Variants in FAM135B observed in about 807,000 individuals in gnomAD.
FAM135B encodes protein FAM135B.
In FAM135B, 43 loss-of-function variants were observed where a neutral mutation model predicts 127.7. That is an observed-to-expected ratio of 0.34 (90% CI 0.26 to 0.43). The LOEUF (loss-of-function observed/expected upper bound fraction) is 0.43. Ranked by LOEUF, FAM135B falls within the 20% of genes least tolerant of loss-of-function variation. The probability of loss-of-function intolerance (pLI) is 1.00; values close to 1 mark genes in which losing one functional copy is unlikely to be tolerated. For synonymous variants in FAM135B, 670 were observed against 665.1 expected (o/e 1.01, Z -0.11); for missense variants, 1,558 against 1,725.6 (o/e 0.90, Z 1.72).
chr8:138,206,356 C>A (rs1443009988), intron 7 of FAM135B, among the ~76,000 whole-genome samples: 6 of 149,738 alleles, frequency 4.0e-5, no homozygotes, highest in South Asian at 2.1e-4. Flanking sequence ...ACTCCAGCAT[C>A]CCCTCCACCT....
chr8:138,444,327 C>A (rs916549535), intron 1 of FAM135B, among the ~76,000 whole-genome samples: 16 of 152,276 alleles, frequency 1.1e-4, no homozygotes, highest in Middle Eastern at 3.4e-3. Flanking sequence ...GAACTCTCCA[C>A]CCCAAATCAA....
intron 11 of FAM135B, among the ~76,000 whole-genome samples, chr8:138,169,598 G>A (rs1820248723): frequency 1.3e-5 from 2 of 151,946 alleles, no homozygotes; most frequent in African/African-American, 2.4e-5. Flanking sequence ...ATTCTCATCT[G>A]AGTGTTTAAA....
intron 3 of FAM135B, among the ~76,000 whole-genome samples, chr8:138,283,971 C>T (rs568632316): frequency 6.6e-6 from 1 of 152,028 alleles, no homozygotes; most frequent in Non-Finnish European, 1.5e-5. Flanking sequence ...AGCTGGAGAA[C>T]AGTGAGCTGG....
intron 17 of FAM135B, among the ~76,000 whole-genome samples, chr8:138,140,588 T>C (rs983603950): frequency 2.0e-5 from 3 of 152,148 alleles, no homozygotes; most frequent in Non-Finnish European, 4.4e-5. Context: ...ATATTTAACC[T>C]CCCATAGATG....
intron 7 of FAM135B, among the ~76,000 whole-genome samples, chr8:138,209,489 G>A (rs1431840469): frequency 6.6e-6 from 1 of 152,182 alleles, no homozygotes; most frequent in Non-Finnish European, 1.5e-5. Context: ...CAGGGAGACA[G>A]AATGTGGGCT....
intron 9 of FAM135B, among the ~76,000 whole-genome samples, chr8:138,183,779 T>G (rs16908489): frequency 0.022 from 3,307 of 152,306 alleles, 113 homozygotes; most frequent in African/African-American, 0.075. Flanking sequence ...CAATGAAAAA[T>G]GAAATCCAAC....
At chr8:138,143,759 C>T (rs1440319645) in intron 15 of FAM135B, among the ~76,000 whole-genome samples, 2 of 152,122 alleles carry the variant, frequency 1.3e-5, no homozygotes, top group East Asian at 1.9e-4. Context: ...AGATTTGGGG[C>T]CAATATCCAA....
chr8:138,496,535 G>A (rs971231064), intron 1 of FAM135B, 136 bp downstream of exon 1: 1 of 152,414 alleles, frequency 6.6e-6, no homozygotes, highest in Admixed American at 6.5e-5. Flanking sequence ...AAAATCGAGG[G>A]AGATAAACCA....
chr8:138,380,873 T>C (rs1456076777), intron 1 of FAM135B, among the ~76,000 whole-genome samples: 1 of 151,836 alleles, frequency 6.6e-6, no homozygotes, highest in African/African-American at 2.4e-5. Flanking sequence ...CATCGGGTAA[T>C]GGATAACATC....
chr8:138,187,469 G>A (rs1034149257), intron 9 of FAM135B, among the ~76,000 whole-genome samples: 6 of 152,198 alleles, frequency 3.9e-5, no homozygotes, highest in African/African-American at 1.2e-4. Context: ...GGCTGGCCAA[G>A]CCTCTTCTCT....
chr8:138,371,616 C>G (rs574210006), intron 1 of FAM135B, among the ~76,000 whole-genome samples: 1 of 152,148 alleles, frequency 6.6e-6, no homozygotes, highest in Non-Finnish European at 1.5e-5. Context: ...ATCTCCAGCA[C>G]ATCAGCAACC....
chr8:138,444,847 A>T (rs1340376635), intron 1 of FAM135B, among the ~76,000 whole-genome samples: 1 of 152,200 alleles, frequency 6.6e-6, no homozygotes, highest in Non-Finnish European at 1.5e-5. Context: ...CCTTCAAAAA[A>T]ATCAACGAAT....
chr8:138,484,363 T>C (rs1214903604), intron 1 of FAM135B, among the ~76,000 whole-genome samples: 1 of 152,190 alleles, frequency 6.6e-6, no homozygotes, highest in African/African-American at 2.4e-5. Flanking sequence ...ATGGTTTGTT[T>C]TACTTTCATG....
At chr8:138,164,737 A>C (rs1394094886) in intron 12 of FAM135B, among the ~76,000 whole-genome samples, 1 of 152,130 alleles carries the variant, frequency 6.6e-6, no homozygotes, top group African/African-American at 2.4e-5. Context: ...TTGATGTCTC[A>C]TGTCTCCCTA....
At position 138,330,912 on chromosome 8, in the gene FAM135B, A is replaced by G. The variant is rs371740980; in HGVS notation, c.78-19992T>C. On this transcript the variant is annotated intron_variant, in intron 2 of 19. Coordinates refer to ENST00000395297, the MANE Select transcript of FAM135B (RefSeq NM_015912.4). ...GGCTGGAGTACAGTGGCATGATCTC[A>G]GCTCACTTCAATCTCCGCCTCCAGG... Among the ~76,000 whole-genome samples the G allele has an allele frequency of 5.3e-5, 8 of 150,668 alleles. No individual in the cohort carries two copies. In the East Asian group the frequency reaches 1.2e-3, roughly 22 times the overall value.
intron 2 of FAM135B, among the ~76,000 whole-genome samples, chr8:138,333,457 G>T (rs762945287): frequency 3.3e-5 from 5 of 152,014 alleles, no homozygotes; most frequent in African/African-American, 4.8e-5. Context: ...CCCCTAAAAG[G>T]CTCCCTCCCT....
intron 2 of FAM135B, among the ~76,000 whole-genome samples, chr8:138,351,040 C>G (rs932613435): frequency 6.6e-6 from 1 of 152,146 alleles, no homozygotes; most frequent in Non-Finnish European, 1.5e-5. Flanking sequence ...TGGGAAACCC[C>G]CTTCAGTCCT....
At chr8:138,218,209 A>C (rs1818720788) in intron 7 of FAM135B, among the ~76,000 whole-genome samples, 1 of 152,212 alleles carries the variant, frequency 6.6e-6, no homozygotes, top group Non-Finnish European at 1.5e-5. Context: ...GCATATGAGC[A>C]AAGATAGAAA....
intron 1 of FAM135B, among the ~76,000 whole-genome samples, chr8:138,486,207 G>A (rs963566273): frequency 2.6e-5 from 4 of 151,878 alleles, no homozygotes; most frequent in South Asian, 2.1e-4. Flanking sequence ...GAAAATCCAC[G>A]TAGGGTTCCT....
Sources: gnomAD v4.1 joint callset for allele counts (sites outside exome capture counted in the v4.1 genomes callset) on GRCh38, gnomAD v4.1.1 for gene constraint, MANE v1.5 for transcripts, NCBI Gene and HGNC (gene_info 2026-07-23, HGNC 2026-07-21) for gene names.